Variants in ALS2CL observed in about 807,000 individuals in gnomAD.
ALS2CL encodes the protein ALS2 C-terminal like.
A neutral mutation model predicts 127.9 loss-of-function variants in ALS2CL; 112 were observed. That is an observed-to-expected ratio of 0.88 (90% CI 0.75 to 1.02). ALS2CL has a LOEUF of 1.02. Among genes scored for constraint, ALS2CL ranks in the 50% least tolerant of loss-of-function variants. The pLI is 0.00. For synonymous variants in ALS2CL, 519 were observed against 527.6 expected, an observed-to-expected ratio of 0.98 and a Z score of 0.22; for missense variants, 1,174 against 1,236.7, an observed-to-expected ratio of 0.95 and a Z score of 0.76.
rs1355867480 is a variant in ALS2CL at position 46,686,916 on chromosome 3, C to T, written c.534+67G>A. 1 of 1,455,930 alleles carries T rather than the reference C, an allele frequency of 6.9e-7. No individual in the cohort carries two copies. The highest frequency in any genetic ancestry group is 2.5e-5 in the East Asian group (1 of 40,736). The allele number at this position is 1,455,930 out of a possible 1,614,324, so 90.2% of individuals were successfully genotyped here. A position where few individuals can be genotyped will look rare whatever the true frequency, so the allele number is the denominator to read the frequency against. On this transcript the variant is annotated intron_variant, in intron 5 of 25. Coordinates refer to ENST00000318962, the MANE Select transcript of ALS2CL (RefSeq NM_147129.5). The surrounding 1 kb of genome is among the most constrained non-coding windows in gnomAD (Gnocchi z 4.3). ...AGGGTTCCTGAGTATAGGCTGAGCCCCCTGAGTCTGGGCCCTATCCCTCCC... is the reference window on the plus strand; with the variant it reads ...AGGGTTCCTGAGTATAGGCTGAGCCTCCTGAGTCTGGGCCCTATCCCTCCC...
intron 19 of ALS2CL, 197 bp from the exon 20 acceptor site, chr3:46,675,883 C>CTA: frequency 6.9e-7 from 1 of 1,443,596 alleles, no homozygotes; most frequent in Non-Finnish European, 9.1e-7. Flanking sequence ...GCAGAAGGAA[C>CTA]TATAGCATCT....
intron 7 of ALS2CL, 44 bp downstream of exon 7, chr3:46,685,481 A>G (rs1324056455): frequency 4.6e-5 from 73 of 1,604,394 alleles, no homozygotes; most frequent in Non-Finnish European, 6.1e-5. Flanking sequence ...CAGACCCCAG[A>G]ACCCTACTGT....
chr3:46,680,864 T>A, intron 13 of ALS2CL: 1 of 525,210 alleles, frequency 1.9e-6, no homozygotes, highest in Non-Finnish European at 3.5e-6. Context: ...CCAGAAAGGC[T>A]GGAGGGGTGC....
Position 46,681,684 on chromosome 3 carries a change from C to T in ALS2CL, c.1176-86G>A, listed in dbSNP as rs1471324658. ...TCCATGCCACCCAGGAGTATCCCTG[C>T]CCCCAAGGAGCCTTCCAGACAACAG... On this transcript the variant is annotated intron_variant, in intron 11 of 25. Coordinates refer to ENST00000318962, the MANE Select transcript of ALS2CL (RefSeq NM_147129.5). The surrounding 1 kb of genome is among the most constrained non-coding windows in gnomAD (Gnocchi z 4.9). The T allele has an allele frequency of 7.4e-7, 1 of 1,356,012 alleles. No individual in the cohort carries two copies. Among genetic ancestry groups the T allele is most frequent in the Non-Finnish European group, 1.0e-6 (1 of 963,128 alleles). The allele number at this position is 1,356,012 out of a possible 1,614,324, so 84.0% of individuals were successfully genotyped here.
chr3:46,681,305 G>A lies in ALS2CL; in HGVS notation c.1377C>T (p.Tyr459=). 1 of 1,613,876 alleles carries A rather than the reference G, an allele frequency of 6.2e-7. No homozygotes were observed. ...SGPQAPQPFR[Y]TGHWERGQRS... Reference sequence around the variant, plus strand: ...TCTGGCCCCTCTCCCAGTGGCCCGTGTACCTGAAGGGCTGGGGGGCCTGCG... The same window carrying A: ...TCTGGCCCCTCTCCCAGTGGCCCGTATACCTGAAGGGCTGGGGGGCCTGCG... The change falls in exon 13 of 26, where the codon TAC becomes TAT. Residue 459 remains tyrosine, a synonymous_variant. Coordinates refer to ENST00000318962, the MANE Select transcript of ALS2CL (RefSeq NM_147129.5). The surrounding 1 kb of genome is among the most constrained non-coding windows in gnomAD (Gnocchi z 4.9).
intron 1 of ALS2CL, among the ~76,000 whole-genome samples, chr3:46,691,562 TC>T (rs1700154875): frequency 1.3e-5 from 2 of 151,754 alleles, no homozygotes; most frequent in African/African-American, 4.8e-5. Context: ...TCTCAGCTGC[TC>T]CCCCAGGAGC....
intron 22 of ALS2CL, among the ~76,000 whole-genome samples, chr3:46,673,115 G>A (rs1028433348): frequency 6.6e-6 from 1 of 152,166 alleles, no homozygotes; most frequent in Admixed American, 6.5e-5. Flanking sequence ...TCTTGCACAC[G>A]GTCACACAGC....
chr3:46,684,657 C>A (rs886902383), intron 7 of ALS2CL, among the ~76,000 whole-genome samples: 1 of 152,220 alleles, frequency 6.6e-6, no homozygotes, highest in Non-Finnish European at 1.5e-5. Flanking sequence ...TGAGGAGGAG[C>A]TTGCCAGCCG....
intron 1 of ALS2CL, among the ~76,000 whole-genome samples, chr3:46,691,096 C>T (rs1298832352): frequency 1.3e-5 from 2 of 152,164 alleles, no homozygotes; most frequent in Admixed American, 1.3e-4. Context: ...TGAGGCAGAC[C>T]CAGGCCCCCA....
At chr3:46,687,232 C>G in intron 4 of ALS2CL, 84 bp from the exon 5 acceptor site, 1 of 1,399,968 alleles carries the variant, frequency 7.1e-7, no homozygotes, top group South Asian at 1.5e-5. Context: ...CCCAGCTAAT[C>G]CCCTCAGATC....
intron 19 of ALS2CL, chr3:46,675,971 C>T (rs1313668391): frequency 2.8e-6 from 4 of 1,423,276 alleles, no homozygotes; most frequent in Non-Finnish European, 3.7e-6. Flanking sequence ...CAGGGCCAAG[C>T]TCAGCCTACA....
In ALS2CL at chr3:46,676,715, C is replaced by T. The variant is rs1488587232; in HGVS notation, c.1955G>A (p.Gly652Asp). The T allele has an allele frequency of 1.2e-6, 2 of 1,613,714 alleles. No individual in the cohort carries two copies. The highest frequency in any genetic ancestry group is 1.3e-5 in the African/African-American group (1 of 74,986). ...CERTHPEDSVGSMEDILEELL... is the reference protein window; with the variant it reads ...CERTHPEDSVDSMEDILEELL... ...CTCCTCCAGGATGTCTTCCATACTG[C>T]CCACACTGTCCTCAGGGTGGGTCCT... The change falls in exon 18 of 26, where the codon GGC becomes GAC. Residue 652 changes from glycine (G) to aspartate (D), a missense_variant. Physicochemically the swap from Gly to Asp is moderately conservative, Grantham distance 94. Coordinates refer to ENST00000318962, the MANE Select transcript of ALS2CL (RefSeq NM_147129.5).
At chr3:46,671,449 A>C in intron 25 of ALS2CL, 39 bp downstream of exon 25, 1 of 1,613,024 alleles carries the variant, frequency 6.2e-7, no homozygotes, top group Non-Finnish European at 8.5e-7. Flanking sequence ...CCCAGGGGCC[A>C]GGGCATTTCC....
At chr3:46,678,751 G>C (rs189875117) in intron 15 of ALS2CL, among the ~76,000 whole-genome samples, 39 of 152,352 alleles carry the variant, frequency 2.6e-4, no homozygotes, top group Admixed American at 2.4e-3. Context: ...ACATGAGGCT[G>C]TCCCATTCAT....
chr3:46,682,704 C>T (rs1699447739), intron 10 of ALS2CL, among the ~76,000 whole-genome samples: 1 of 152,282 alleles, frequency 6.6e-6, no homozygotes, highest in South Asian at 2.1e-4. Flanking sequence ...GCAGGTTATG[C>T]CCATCACTAG....
Position 46,675,349 on chromosome 3 carries a change from C to A in ALS2CL, c.2255+269G>T, listed in dbSNP as rs1194968977. The stretch of plus-strand genomic sequence containing the variant: ...GGAGGGTGCCTCGGGGAGCTACTCA[C>A]CTTCTGCATGCGAAAGATGAGATTG... On this transcript the variant is annotated intron_variant, in intron 20 of 25. Transcript: ENST00000318962. 2.2e-5 allele frequency: 10 copies of A among 447,380 alleles called. No individual in the cohort carries two copies. The East Asian group carries it at 3.6e-4, about 16-fold the overall frequency. 27.7% of individuals were successfully genotyped at this position (447,380 alleles called of 1,614,324 possible).
intron 1 of ALS2CL, 86 bp from the exon 2 acceptor site, chr3:46,689,551 G>T: frequency 1.2e-6 from 1 of 839,786 alleles, no homozygotes. Flanking sequence ...CCAGAAGCAA[G>T]GTCCATGACC....
In ALS2CL at chr3:46,682,065, TTCCGCCCA is replaced by T; in HGVS notation, c.1131_1138del (p.Asp377GlufsTer24). 1.2e-6 allele frequency: 2 copies of T among 1,614,010 alleles called. No homozygotes were observed. The highest frequency in any genetic ancestry group is 1.3e-5 in the African/African-American group (1 of 75,036). ...GCCCTGGCAGAAATTCCCCACGTGA[TTCCGCCCA>T]TCCGGCCATTTCAGGGTTCCCCTGG... On this transcript the variant is annotated frameshift_variant, in exon 11 of 26. Transcript: ENST00000318962. LOFTEE classifies it high-confidence loss of function.
In ALS2CL at chr3:46,689,619, G is replaced by A. The variant is rs201793374; in HGVS notation, c.-25-154C>T. ...CGCCTCAAAGGGGAGTTCCTGGACTGGCCACTGACCTCTGCCCTGCTCCCT... is the reference window on the plus strand; with the variant it reads ...CGCCTCAAAGGGGAGTTCCTGGACTAGCCACTGACCTCTGCCCTGCTCCCT... On this transcript the variant is annotated intron_variant, in intron 1 of 25. Coordinates refer to ENST00000318962, the MANE Select transcript of ALS2CL (RefSeq NM_147129.5). Among the ~76,000 whole-genome samples the A allele has an allele frequency of 4.6e-5, 7 of 152,346 alleles. No individual in the cohort carries two copies. In the East Asian group the frequency reaches 1.3e-3, roughly 29 times the overall value.
Sources: allele counts gnomAD v4.1 joint callset (sites outside exome capture counted in the v4.1 genomes callset), GRCh38; gene constraint gnomAD v4.1.1; non-coding constraint Gnocchi (gnomAD v3.1); transcripts MANE v1.5; gene names NCBI Gene and HGNC (gene_info 2026-07-23, HGNC 2026-07-21).